The following PEX13 variants were observed in gnomAD, a reference collection of about 807,000 sequenced individuals.
PEX13 encodes peroxisomal biogenesis factor 13, also known as peroxisome biogenesis factor 13.
A neutral mutation model predicts 34.5 loss-of-function variants in PEX13; 28 were observed. The ratio of observed to expected loss-of-function variants is 0.81; its 90% CI spans 0.60 to 1.11. PEX13 has a LOEUF of 1.11. Ranked by LOEUF, PEX13 falls within the 50% of genes most tolerant of loss-of-function variation. The probability of loss-of-function intolerance (pLI) is 0.00; values close to 1 mark genes in which losing one functional copy is unlikely to be tolerated. For missense variants in PEX13, 550 were observed against 491.0 expected (o/e 1.12, Z -1.13); for synonymous variants, 177 against 175.1 (o/e 1.01, Z -0.09).
Position 61,021,113 on chromosome 2 carries a change from C to T in PEX13, c.92+3262C>T, listed in dbSNP as rs995663596. ...CTCCCAGCGTGATTGACGCACAGGA[C>T]GGGTGATTTCTGTGTTTCCAACTGA... On this transcript the variant is annotated intron_variant, in intron 1 of 3. Transcript: ENST00000295030. 9.9e-5 allele frequency among the ~76,000 whole-genome samples: 15 copies of T among 152,138 alleles called. 1 individual carries two copies. Among genetic ancestry groups the T allele is most frequent in the Admixed American group, 2.6e-4 (4 of 15,270 alleles).
chr2:61,023,942 A>G (rs993893484), intron 1 of PEX13, among the ~76,000 whole-genome samples: 1 of 151,980 alleles, frequency 6.6e-6, no homozygotes, highest in African/African-American at 2.4e-5. Context: ...GACCACAGGT[A>G]AGTGCCACAA....
chr2:61,023,860 A>G (rs559964066), intron 1 of PEX13, among the ~76,000 whole-genome samples: 17 of 151,594 alleles, frequency 1.1e-4, no homozygotes, highest in Non-Finnish European at 1.8e-4. Context: ...TGGTGACGCA[A>G]TCACACCTCA....
At chr2:61,045,921 C>A in intron 3 of PEX13, 70 bp downstream of exon 3, 1 of 1,237,944 alleles carries the variant, frequency 8.1e-7, no homozygotes, top group South Asian at 1.2e-5. Context: ...TTAAAAACTA[C>A]AACAAAGGAT....
At chr2:61,043,995 G>C (rs565737582) in intron 2 of PEX13, among the ~76,000 whole-genome samples, 2 of 152,106 alleles carry the variant, frequency 1.3e-5, no homozygotes, top group Admixed American at 1.3e-4. Context: ...TGTCAGCCAG[G>C]CTGGAGTGCA....
At chr2:61,018,671 T>C (rs1680170327) in intron 1 of PEX13, 1 of 158,626 alleles carries the variant, frequency 6.3e-6, no homozygotes, top group Non-Finnish European at 1.4e-5. Context: ...CCCCAACATA[T>C]TGGAATGTAT....
chr2:61,035,262 A>G (rs1211895730), intron 2 of PEX13, among the ~76,000 whole-genome samples: 1 of 152,216 alleles, frequency 6.6e-6, no homozygotes, highest in Non-Finnish European at 1.5e-5. Flanking sequence ...CTAACAACAG[A>G]AAGGAATAGC....
intron 2 of PEX13, among the ~76,000 whole-genome samples, chr2:61,038,080 C>T (rs1026257928): frequency 1.3e-5 from 2 of 152,160 alleles, no homozygotes; most frequent in East Asian, 3.8e-4. Flanking sequence ...CTGAATAGAC[C>T]AATAACAGGT....
At chr2:61,021,796 G>A (rs1376958505) in intron 1 of PEX13, among the ~76,000 whole-genome samples, 1 of 152,174 alleles carries the variant, frequency 6.6e-6, no homozygotes, top group Non-Finnish European at 1.5e-5. Context: ...AAACAGGCAG[G>A]TGTCCCTCTG....
At chr2:61,038,271 C>T (rs1680567677) in intron 2 of PEX13, among the ~76,000 whole-genome samples, 1 of 152,198 alleles carries the variant, frequency 6.6e-6, no homozygotes, top group Non-Finnish European at 1.5e-5. Context: ...CAGCATCATC[C>T]TGATACCAGA....
At chr2:61,026,186 A>G (rs997233354) in intron 1 of PEX13, among the ~76,000 whole-genome samples, 6 of 151,578 alleles carry the variant, frequency 4.0e-5, no homozygotes, top group African/African-American at 1.5e-4. Flanking sequence ...CTTCTAGTTC[A>G]TTGGGAGGGT....
rs777009999 is a variant in PEX13 at position 61,031,411 on chromosome 2, G to C, written c.93-8G>C. 2.5e-6 allele frequency: 4 copies of C among 1,604,634 alleles called. No homozygotes were observed. Among genetic ancestry groups the C allele is most frequent in the African/African-American group, 1.3e-5 (1 of 74,656 alleles). On this transcript the variant is annotated splice_polypyrimidine_tract_variant and splice_region_variant and intron_variant, in intron 1 of 3. Transcript: ENST00000295030. ...TAAATAACTGTTTTGAATCTTTTTTGGTTTTAGATCTGCTGATTTGGGTCC... is the reference window on the plus strand; with the variant it reads ...TAAATAACTGTTTTGAATCTTTTTTCGTTTTAGATCTGCTGATTTGGGTCC...
chr2:61,031,643 A>G lies in PEX13; in HGVS notation c.317A>G (p.Asn106Ser), dbSNP rs202118906. The G allele has an allele frequency of 6.2e-7, 1 of 1,614,176 alleles. No homozygotes were observed. Among genetic ancestry groups the G allele is most frequent in the South Asian group, 1.1e-5 (1 of 91,084 alleles). ...YSYGYNGLGY[N>S]RLRVDDLPPS... ...TATGGATATAATGGGCTGGGCTACA[A>G]CCGCCTCCGTGTAGATGATCTTCCA... Residue 106 changes from asparagine to serine, a missense_variant, in exon 2 of 4, where the codon AAC becomes AGC. Coordinates refer to ENST00000295030, the MANE Select transcript of PEX13 (RefSeq NM_002618.4).
At chr2:61,027,855 T>C (rs141789839) in intron 1 of PEX13, among the ~76,000 whole-genome samples, 2 of 152,366 alleles carry the variant, frequency 1.3e-5, no homozygotes, top group African/African-American at 4.8e-5. Context: ...GGCCGTTCAC[T>C]GGCTCCTTTT....
Position 61,042,485 on chromosome 2 carries a change from C to A in PEX13, c.788-3241C>A, listed in dbSNP as rs1680640935. 2.0e-5 allele frequency among the ~76,000 whole-genome samples: 3 copies of A among 151,810 alleles called. No individual in the cohort carries two copies. The South Asian group carries it at 6.2e-4, about 32-fold the overall frequency. ...AGGCACAGTATAGTATGAATTATTT[C>A]GTTATTGAATTAGATAGTAAAAAAA... On this transcript the variant is annotated intron_variant, in intron 2 of 3. Coordinates refer to ENST00000295030, the MANE Select transcript of PEX13 (RefSeq NM_002618.4).
chr2:61,027,070 C>T (rs183709553), intron 1 of PEX13, among the ~76,000 whole-genome samples: 9 of 151,598 alleles, frequency 5.9e-5, no homozygotes, highest in African/African-American at 2.2e-4. Flanking sequence ...CACCTGTAAT[C>T]TTAGCTCTTT....
chr2:61,044,735 T>C (rs1349576722), intron 2 of PEX13, among the ~76,000 whole-genome samples: 3 of 152,246 alleles, frequency 2.0e-5, no homozygotes, highest in Non-Finnish European at 2.9e-5. Flanking sequence ...ACAGTGCTTA[T>C]ATGCAAAACT....
chr2:61,039,354 G>T (rs1024690018), intron 2 of PEX13, among the ~76,000 whole-genome samples: 7 of 152,126 alleles, frequency 4.6e-5, no homozygotes, highest in Non-Finnish European at 1.0e-4. Flanking sequence ...ATACTACAAG[G>T]CTACAGTAAC....
chr2:61,051,625 A>G lies in PEX13; in HGVS notation c.*2855A>G, dbSNP rs1680801170. On this transcript the variant is annotated 3_prime_UTR_variant, in exon 4 of 4. Coordinates refer to ENST00000295030, the MANE Select transcript of PEX13 (RefSeq NM_002618.4). ...CTGAGATTAAATGTTCAAGGCTCCAATATTATTTTTAGGAACTTATTTAAG... is the reference window on the plus strand; with the variant it reads ...CTGAGATTAAATGTTCAAGGCTCCAGTATTATTTTTAGGAACTTATTTAAG... The G allele has an allele frequency of 6.6e-6, 1 of 152,420 alleles. No homozygotes were observed. Among genetic ancestry groups the G allele is most frequent in the South Asian group, 2.1e-4 (1 of 4,824 alleles). 9.4% of individuals were successfully genotyped at this position (152,420 alleles called of 1,614,324 possible).
At chr2:61,018,432 C>CT (rs1680158773) in intron 1 of PEX13, 2 of 999,236 alleles carry the variant, frequency 2.0e-6, no homozygotes, top group Admixed American at 6.2e-5. Flanking sequence ...TATGGATGGA[C>CT]TTTGTGTGCA....
Sources: allele counts gnomAD v4.1 joint callset (sites outside exome capture counted in the v4.1 genomes callset), GRCh38; gene constraint gnomAD v4.1.1; transcripts MANE v1.5; gene names NCBI Gene and HGNC (gene_info 2026-07-23, HGNC 2026-07-21).